IMMP2L: variants seen among roughly 807,000 people sequenced by gnomAD.
IMMP2L encodes inner mitochondrial membrane peptidase subunit 2, also known as mitochondrial inner membrane protease subunit 2.
Under a neutral mutation model 19.3 loss-of-function variants are expected in IMMP2L, and 18 were observed. That is an observed-to-expected ratio of 0.93 (90% confidence interval 0.64 to 1.38). IMMP2L has a LOEUF of 1.38. IMMP2L is among the 40% of genes most tolerant of loss of function. The pLI is 0.00. For synonymous variants in IMMP2L, 76 were observed against 73.0 expected (o/e 1.04, Z -0.21); for missense variants, 233 against 218.2 (o/e 1.07, Z -0.43).
intron 5 of IMMP2L, among the ~76,000 whole-genome samples, chr7:110,806,624 A>G (rs1801655493): frequency 6.6e-6 from 1 of 152,046 alleles, no homozygotes; most frequent in Non-Finnish European, 1.5e-5. Flanking sequence ...CAAAAAAATG[A>G]AACCAACTAA....
chr7:111,516,334 C>T (rs1317237084), intron 2 of IMMP2L, among the ~76,000 whole-genome samples: 1 of 150,604 alleles, frequency 6.6e-6, no homozygotes, highest in East Asian at 2.0e-4. Flanking sequence ...TATATTCATA[C>T]ACGCATAAAT....
At chr7:110,750,738 T>G (rs1211567355) in intron 5 of IMMP2L, among the ~76,000 whole-genome samples, 1 of 152,006 alleles carries the variant, frequency 6.6e-6, no homozygotes, top group Non-Finnish European at 1.5e-5. Context: ...TACTGTATTT[T>G]CTGTACACAG....
chr7:110,977,930 C>T (rs949695520), intron 3 of IMMP2L, among the ~76,000 whole-genome samples: 35 of 151,904 alleles, frequency 2.3e-4, no homozygotes, highest in Admixed American at 1.0e-3. Flanking sequence ...AGTAAAATGC[C>T]GAAGTTCCGT....
At chr7:111,287,676 A>T (rs2130788934) in intron 3 of IMMP2L, among the ~76,000 whole-genome samples, 1 of 152,308 alleles carries the variant, frequency 6.6e-6, no homozygotes, top group African/African-American at 2.4e-5. Context: ...AAAAACTGCC[A>T]TACATTCTGA....
In IMMP2L at chr7:111,236,945, A is replaced by T. The variant is rs566054519; in HGVS notation, c.239+250293T>A. On this transcript the variant is annotated intron_variant, in intron 3 of 5. Coordinates refer to ENST00000405709, the MANE Select transcript of IMMP2L (RefSeq NM_032549.4). Reference sequence around the variant, plus strand: ...TTTGTTTGTTTCTGGTAGGAAGGCAAATCATGTTCCTGTAACCCCATCTAG... The same window carrying T: ...TTTGTTTGTTTCTGGTAGGAAGGCATATCATGTTCCTGTAACCCCATCTAG... Among the ~76,000 whole-genome samples, 4 of 152,278 alleles carry T rather than the reference A, an allele frequency of 2.6e-5. No homozygotes were observed. The East Asian group carries it at 5.8e-4, about 22-fold the overall frequency.
intron 3 of IMMP2L, among the ~76,000 whole-genome samples, chr7:111,038,932 G>A (rs1231154909): frequency 6.6e-6 from 1 of 152,078 alleles, no homozygotes; most frequent in East Asian, 1.9e-4. Flanking sequence ...TTCTACTTGT[G>A]GCCTAATATA....
chr7:110,669,036 T>C (rs1464962653), intron 5 of IMMP2L, among the ~76,000 whole-genome samples: 1 of 62,058 alleles, frequency 1.6e-5, no homozygotes, highest in Admixed American at 1.6e-4. Context: ...TATGTGTGTG[T>C]GTGTGTGTGT....
intron 5 of IMMP2L, among the ~76,000 whole-genome samples, chr7:110,791,935 T>C (rs1365083755): frequency 6.6e-6 from 1 of 151,846 alleles, no homozygotes; most frequent in Non-Finnish European, 1.5e-5. Flanking sequence ...CTTCCTCACA[T>C]GGTTTTCCCT....
chr7:110,831,595 T>C (rs556413492), intron 5 of IMMP2L, among the ~76,000 whole-genome samples: 71 of 152,252 alleles, frequency 4.7e-4, no homozygotes, highest in African/African-American at 1.6e-3. Context: ...GTAAATAAGA[T>C]CTCATTTGCA....
At chr7:110,783,545 G>A (rs547827800) in intron 5 of IMMP2L, among the ~76,000 whole-genome samples, 3 of 151,710 alleles carry the variant, frequency 2.0e-5, no homozygotes, top group Non-Finnish European at 4.4e-5. Context: ...CTGATAATTA[G>A]AACAAACATT....
intron 4 of IMMP2L, among the ~76,000 whole-genome samples, chr7:110,927,751 G>A (rs1449662971): frequency 6.6e-6 from 1 of 152,036 alleles, no homozygotes; most frequent in African/African-American, 2.4e-5. Context: ...CTGACCTTCA[G>A]AAGAGTAAGA....
intron 2 of IMMP2L, among the ~76,000 whole-genome samples, chr7:111,498,212 A>G (rs1843777877): frequency 6.6e-6 from 1 of 152,156 alleles, no homozygotes; most frequent in Admixed American, 6.6e-5. Flanking sequence ...CTAATTATAA[A>G]ATACTACCAT....
chr7:111,346,731 T>C (rs1315028514), intron 3 of IMMP2L, among the ~76,000 whole-genome samples: 1 of 151,900 alleles, frequency 6.6e-6, no homozygotes, highest in African/African-American at 2.4e-5. Context: ...ACAATATTTA[T>C]GAATTCAAGA....
At position 111,044,795 on chromosome 7, in the gene IMMP2L, G is replaced by C. The variant is rs376964663; in HGVS notation, c.240-81230C>G. On this transcript the variant is annotated intron_variant, in intron 3 of 5. Coordinates refer to ENST00000405709, the MANE Select transcript of IMMP2L (RefSeq NM_032549.4). ...CAACAAGTTACAAATATGTAAGTGG[G>C]CTTTAAGTGAACTAATGAATGACAA... 7.0e-4 allele frequency among the ~76,000 whole-genome samples: 107 copies of C among 152,146 alleles called. 3 individuals are homozygous for C. In the South Asian group the frequency reaches 0.02, roughly 28 times the overall value.
intron 3 of IMMP2L, among the ~76,000 whole-genome samples, chr7:111,280,809 C>CCTGTA (rs1819607694): frequency 6.6e-6 from 1 of 152,018 alleles, no homozygotes; most frequent in African/African-American, 2.4e-5. Flanking sequence ...GTGGCTCAGG[C>CCTGTA]CTGTAATCCC....
chr7:111,024,294 C>T (rs764246782), intron 3 of IMMP2L, among the ~76,000 whole-genome samples: 13 of 152,244 alleles, frequency 8.5e-5, no homozygotes, highest in Middle Eastern at 3.4e-3. Flanking sequence ...CTTCCAGAGT[C>T]GAGTAGTTTC....
chr7:111,127,530 C>T (rs1801437017), intron 3 of IMMP2L, among the ~76,000 whole-genome samples: 1 of 152,052 alleles, frequency 6.6e-6, no homozygotes, highest in African/African-American at 2.4e-5. Flanking sequence ...AAATCATGAA[C>T]CTACTGATTT....
chr7:110,878,188 A>G (rs1197987150), intron 5 of IMMP2L, among the ~76,000 whole-genome samples: 1 of 152,120 alleles, frequency 6.6e-6, no homozygotes. Context: ...AAAACACAAT[A>G]TTCACCACAG....
intron 3 of IMMP2L, among the ~76,000 whole-genome samples, chr7:111,405,050 T>C (rs1833796619): frequency 1.3e-5 from 2 of 152,150 alleles, no homozygotes; most frequent in East Asian, 1.9e-4. Flanking sequence ...CCAAGACTTC[T>C]GGTAACATAC....
Sources: allele counts gnomAD v4.1 joint callset (sites outside exome capture counted in the v4.1 genomes callset), GRCh38; gene constraint gnomAD v4.1.1; transcripts MANE v1.5; gene names NCBI Gene and HGNC (gene_info 2026-07-23, HGNC 2026-07-21).